Variants in CNTNAP4 observed in about 807,000 individuals in gnomAD.
CNTNAP4 encodes contactin-associated protein-like 4.
A neutral mutation model predicts 148.4 loss-of-function variants in CNTNAP4; 98 were observed. That is an observed-to-expected ratio of 0.66 (90% CI 0.56 to 0.78). CNTNAP4 has a LOEUF of 0.78. CNTNAP4 is among the 30% of genes least tolerant of loss of function. The pLI is 0.00. For synonymous variants in CNTNAP4, 730 were observed against 565.1 expected (o/e 1.29, Z -4.14); for missense variants, 1,935 against 1,565.6 (o/e 1.24, Z -3.98).
chr16:76,457,218 G>A (rs1363440385), intron 8 of CNTNAP4, among the ~76,000 whole-genome samples: 1 of 152,234 alleles, frequency 6.6e-6, no homozygotes, highest in African/African-American at 2.4e-5. Flanking sequence ...TAACGGAAAG[G>A]AGTTGTATAG....
At chr16:76,425,314 A>G (rs1434968682) in intron 3 of CNTNAP4, among the ~76,000 whole-genome samples, 1 of 152,180 alleles carries the variant, frequency 6.6e-6, no homozygotes, top group African/African-American at 2.4e-5. Context: ...AGCACATGAC[A>G]TGCTCTGAGA....
intron 3 of CNTNAP4, among the ~76,000 whole-genome samples, chr16:76,420,081 T>C (rs1262062051): frequency 7.0e-6 from 1 of 143,864 alleles, no homozygotes; most frequent in Non-Finnish European, 1.6e-5. Context: ...AGAAAAGTGA[T>C]TGATTTCTAG....
intron 3 of CNTNAP4, among the ~76,000 whole-genome samples, chr16:76,393,650 G>A (rs1263061366): frequency 6.6e-6 from 1 of 151,942 alleles, no homozygotes; most frequent in Non-Finnish European, 1.5e-5. Context: ...CTTCATGGGG[G>A]GTGGGTGAGA....
chr16:76,462,480 C>A (rs1054583193), intron 9 of CNTNAP4, among the ~76,000 whole-genome samples: 1 of 152,180 alleles, frequency 6.6e-6, no homozygotes, highest in Non-Finnish European at 1.5e-5. Context: ...TCAGAGCATC[C>A]TTATTGCTTC....
chr16:76,449,357 G>A (rs1228017471), intron 6 of CNTNAP4, among the ~76,000 whole-genome samples: 4 of 152,116 alleles, frequency 2.6e-5, no homozygotes, highest in East Asian at 3.9e-4. Context: ...TAATTCATTA[G>A]CAATGGATTC....
chr16:76,483,601 G>A (rs1466566387), intron 12 of CNTNAP4, among the ~76,000 whole-genome samples: 1 of 152,166 alleles, frequency 6.6e-6, no homozygotes, highest in Non-Finnish European at 1.5e-5. Flanking sequence ...TCTGTGCTTA[G>A]GAGCACTCGA....
chr16:76,351,474 C>G (rs755361268), intron 2 of CNTNAP4, among the ~76,000 whole-genome samples: 1 of 152,146 alleles, frequency 6.6e-6, no homozygotes, highest in East Asian at 1.9e-4. Context: ...AAAATTAGAA[C>G]AAGCCTAACA....
At chr16:76,454,642 A>G (rs1235029276) in intron 8 of CNTNAP4, among the ~76,000 whole-genome samples, 1 of 152,050 alleles carries the variant, frequency 6.6e-6, no homozygotes, top group Non-Finnish European at 1.5e-5. Flanking sequence ...AAGCAAGTAC[A>G]TTTTGCATTT....
intron 15 of CNTNAP4, 141 bp from the exon 16 acceptor site, chr16:76,520,998 AC>A (rs2083430245): frequency 8.4e-6 from 6 of 710,202 alleles, no homozygotes; most frequent in Non-Finnish European, 1.4e-5. Context: ...TACATAGTTG[AC>A]AGAAAAAAAG....
intron 1 of CNTNAP4, among the ~76,000 whole-genome samples, chr16:76,294,613 G>T (rs1481586600): frequency 6.6e-6 from 1 of 152,084 alleles, no homozygotes; most frequent in African/African-American, 2.4e-5. Context: ...TACATTCCTT[G>T]GATAGTTTTG....
At chr16:76,510,099 A>G (rs978785222) in intron 15 of CNTNAP4, among the ~76,000 whole-genome samples, 1 of 41,210 alleles carries the variant, frequency 2.4e-5, no homozygotes, top group African/African-American at 3.6e-5. Flanking sequence ...GGACATTTTT[A>G]TCACCCCCAA....
At chr16:76,475,803 A>G in intron 10 of CNTNAP4, 136 bp from the exon 11 acceptor site, 1 of 622,732 alleles carries the variant, frequency 1.6e-6, no homozygotes, top group Middle Eastern at 3.1e-4. Context: ...GATTAAAGTG[A>G]TTAACAACAG....
intron 3 of CNTNAP4, among the ~76,000 whole-genome samples, chr16:76,417,592 G>A (rs8046620): frequency 0.38 from 57,675 of 151,182 alleles, 11,185 homozygotes; most frequent in Middle Eastern, 0.48. Context: ...AGCACCCAAT[G>A]CATGATTATT....
chr16:76,516,278 T>A (rs1036195522), intron 15 of CNTNAP4, among the ~76,000 whole-genome samples: 1 of 152,238 alleles, frequency 6.6e-6, no homozygotes, highest in African/African-American at 2.4e-5. Context: ...TAACTCATTC[T>A]TTTTCAAGGC....
At chr16:76,539,426 A>T (rs1218991616) in intron 19 of CNTNAP4, among the ~76,000 whole-genome samples, 2 of 152,040 alleles carry the variant, frequency 1.3e-5, no homozygotes, top group African/African-American at 4.8e-5. Context: ...ACTTAATATT[A>T]TTTTTTAAGT....
intron 1 of CNTNAP4, among the ~76,000 whole-genome samples, chr16:76,304,092 G>T (rs1182298641): frequency 6.6e-6 from 1 of 151,966 alleles, no homozygotes; most frequent in Admixed American, 6.6e-5. Flanking sequence ...TATACACCAG[G>T]TACCAACTAC....
intron 1 of CNTNAP4, among the ~76,000 whole-genome samples, chr16:76,313,417 C>G (rs1220154787): frequency 6.6e-6 from 1 of 152,188 alleles, no homozygotes; most frequent in Non-Finnish European, 1.5e-5. Flanking sequence ...AATGCACTCT[C>G]TTGTGTGTGT....
chr16:76,436,789 C>T (rs1813535), intron 4 of CNTNAP4, among the ~76,000 whole-genome samples: 54,610 of 151,834 alleles, frequency 0.36, 10,462 homozygotes, highest in Middle Eastern at 0.51. Context: ...TATCAGTGTT[C>T]TCCATACTAT....
At chr16:76,321,344 C>G (rs916780928) in intron 2 of CNTNAP4, among the ~76,000 whole-genome samples, 1 of 152,118 alleles carries the variant, frequency 6.6e-6, no homozygotes, top group Non-Finnish European at 1.5e-5. Context: ...TGTTATGCTT[C>G]TTTGCAAACA....
Sources: gnomAD v4.1 joint callset for allele counts (sites outside exome capture counted in the v4.1 genomes callset) on GRCh38, gnomAD v4.1.1 for gene constraint, MANE v1.5 for transcripts, NCBI Gene and HGNC (gene_info 2026-07-23, HGNC 2026-07-21) for gene names.